The following KCNMB2 variants were observed in gnomAD, a reference collection of about 807,000 sequenced individuals.
KCNMB2 encodes the protein potassium calcium-activated channel subfamily M regulatory beta subunit 2.
KCNMB2 carries 9 observed loss-of-function variants against 24.5 expected under a neutral mutation model. The ratio of observed to expected loss-of-function variants is 0.37; its 90% CI spans 0.22 to 0.64. KCNMB2 has a LOEUF of 0.64. KCNMB2 is among the 30% of genes least tolerant of loss of function. KCNMB2 has a pLI of 0.63. For missense variants in KCNMB2, 226 were observed against 284.3 expected (o/e 0.79, Z 1.47); for synonymous variants, 109 against 104.4 (o/e 1.04, Z -0.27).
intron 1 of KCNMB2, among the ~76,000 whole-genome samples, chr3:178,661,138 GC>G (rs1720513645): frequency 7.0e-6 from 1 of 142,080 alleles, no homozygotes; most frequent in African/African-American, 2.6e-5. Context: ...CCCTCCCCTA[GC>G]CCCCCACCCT....
chr3:178,703,428 A>T (rs978177590), intron 1 of KCNMB2, among the ~76,000 whole-genome samples: 9 of 152,112 alleles, frequency 5.9e-5, no homozygotes, highest in African/African-American at 2.2e-4. Flanking sequence ...TTAGTTCTCC[A>T]TTTGTACTCC....
chr3:178,591,750 C>T (rs921020441), intron 1 of KCNMB2, among the ~76,000 whole-genome samples: 2 of 152,116 alleles, frequency 1.3e-5, no homozygotes, highest in African/African-American at 4.8e-5. Flanking sequence ...GCCCTTCTTG[C>T]TATAGTCAAA....
chr3:178,667,263 T>C (rs1030826157), intron 1 of KCNMB2, among the ~76,000 whole-genome samples: 2 of 152,080 alleles, frequency 1.3e-5, no homozygotes, highest in Non-Finnish European at 2.9e-5. Context: ...TGTGCTATTG[T>C]TTGAATGTGT....
chr3:178,691,105 G>GTTTTTTTTTTTTTTTTTT (rs1310077931), intron 1 of KCNMB2, among the ~76,000 whole-genome samples: 2 of 32,952 alleles, frequency 6.1e-5, no homozygotes, highest in African/African-American at 2.3e-4. Flanking sequence ...TCCCCATTAA[G>GTTTTTTTTTTTTTTTTTT]TCTTTTTTTT....
chr3:178,822,138 C>T (rs1418776262), intron 2 of KCNMB2, among the ~76,000 whole-genome samples: 1 of 152,214 alleles, frequency 6.6e-6, no homozygotes, highest in Non-Finnish European at 1.5e-5. Context: ...CTCTTTTTCC[C>T]TGTCCCATAG....
At chr3:178,643,207 A>C (rs1719787613) in intron 1 of KCNMB2, among the ~76,000 whole-genome samples, 1 of 152,196 alleles carries the variant, frequency 6.6e-6, no homozygotes, top group Non-Finnish European at 1.5e-5. Flanking sequence ...GAAATAACAT[A>C]ATTATGGAGC....
rs143303103 is a variant in KCNMB2, at chr3:178,542,214, C to T, written c.-68+5503C>T. Among the ~76,000 whole-genome samples the T allele has an allele frequency of 1.1e-4, 16 of 152,072 alleles. No individual in the cohort carries two copies. The East Asian group carries it at 1.7e-3, about 16-fold the overall frequency. The stretch of plus-strand genomic sequence containing the variant: ...TCTAGTGCTATTCCTTTTGCAGCAC[C>T]GAAACTTTATATATAAAAATAGCTA... On this transcript the variant is annotated intron_variant, in intron 1 of 4. Coordinates refer to ENST00000452583, the MANE Select transcript of KCNMB2 (RefSeq NM_181361.3).
chr3:178,691,657 T>C (rs1359133422), intron 1 of KCNMB2, among the ~76,000 whole-genome samples: 2 of 152,218 alleles, frequency 1.3e-5, no homozygotes, highest in African/African-American at 2.4e-5. Flanking sequence ...CAGTCTATCA[T>C]TGGTGGGCAT....
At chr3:178,558,396 G>T (rs1027003797) in intron 1 of KCNMB2, among the ~76,000 whole-genome samples, 3 of 152,302 alleles carry the variant, frequency 2.0e-5, no homozygotes, top group Middle Eastern at 6.8e-3. Flanking sequence ...GGTCTCCTCT[G>T]CATGGCTACA....
At chr3:178,564,831 C>T (rs1251766052) in intron 1 of KCNMB2, among the ~76,000 whole-genome samples, 2 of 152,056 alleles carry the variant, frequency 1.3e-5, no homozygotes, top group Non-Finnish European at 1.5e-5. Flanking sequence ...CTCAGAAATA[C>T]TTTTTCATGT....
At chr3:178,657,041 C>T (rs1720369810) in intron 1 of KCNMB2, among the ~76,000 whole-genome samples, 1 of 152,252 alleles carries the variant, frequency 6.6e-6, no homozygotes, top group East Asian at 1.9e-4. Flanking sequence ...CTGCTAGATG[C>T]TCTCTGTCTC....
At chr3:178,781,433 A>T (rs907235185) in intron 1 of KCNMB2, among the ~76,000 whole-genome samples, 8 of 151,946 alleles carry the variant, frequency 5.3e-5, no homozygotes, top group African/African-American at 1.9e-4. Context: ...CTCTACTAAA[A>T]ATACAAAAAT....
At chr3:178,725,440 T>C (rs997499711) in intron 1 of KCNMB2, among the ~76,000 whole-genome samples, 5 of 152,044 alleles carry the variant, frequency 3.3e-5, no homozygotes, top group East Asian at 3.8e-4. Flanking sequence ...TGATTCTATA[T>C]CTAGGAAACC....
At chr3:178,729,353 T>C (rs1452068736) in intron 1 of KCNMB2, 1 of 152,188 alleles carries the variant, frequency 6.6e-6, no homozygotes, top group African/African-American at 2.4e-5. Context: ...ATTAGGAAGA[T>C]GGCCGAAATT....
intron 1 of KCNMB2, among the ~76,000 whole-genome samples, chr3:178,574,927 G>C (rs1049602935): frequency 6.6e-6 from 1 of 152,064 alleles, no homozygotes; most frequent in African/African-American, 2.4e-5. Flanking sequence ...AACTAGCCAG[G>C]CATGGTGGTG....
intron 1 of KCNMB2, among the ~76,000 whole-genome samples, chr3:178,677,184 C>T (rs970121518): frequency 3.3e-5 from 5 of 152,198 alleles, no homozygotes; most frequent in Non-Finnish European, 2.9e-5. Flanking sequence ...CTTGCCACAA[C>T]TCTGGGAGTG....
intron 1 of KCNMB2, among the ~76,000 whole-genome samples, chr3:178,727,619 A>G (rs1723006380): frequency 6.6e-6 from 1 of 152,160 alleles, no homozygotes; most frequent in East Asian, 1.9e-4. Flanking sequence ...GAGAGATGCA[A>G]CATTGCTGGC....
At chr3:178,609,763 A>G (rs1718414328) in intron 1 of KCNMB2, among the ~76,000 whole-genome samples, 2 of 151,756 alleles carry the variant, frequency 1.3e-5, no homozygotes, top group South Asian at 2.1e-4. Flanking sequence ...CACCCCCATG[A>G]GTATCTGGGA....
At chr3:178,537,356 T>C (rs1382881713) in intron 1 of KCNMB2, 1 of 152,258 alleles carries the variant, frequency 6.6e-6, no homozygotes, top group Non-Finnish European at 1.5e-5. Context: ...AGAAGGGGCT[T>C]TCTCTCGGTT....
Sources: allele counts gnomAD v4.1 joint callset (sites outside exome capture counted in the v4.1 genomes callset), GRCh38; gene constraint gnomAD v4.1.1; transcripts MANE v1.5; gene names NCBI Gene and HGNC (gene_info 2026-07-23, HGNC 2026-07-21).